Variants in ZRANB1 observed in about 807,000 individuals in gnomAD.
ZRANB1 encodes the protein zinc finger RANBP2-type containing 1, also known as ubiquitin thioesterase ZRANB1.
Under a neutral mutation model 80.5 loss-of-function variants are expected in ZRANB1, and 16 were observed. That is an observed-to-expected ratio of 0.20 (90% confidence interval 0.13 to 0.30). The LOEUF (loss-of-function observed/expected upper bound fraction) is 0.30, where lower values mean the gene tolerates loss of function less well. Among genes scored for constraint, ZRANB1 ranks in the 10% least tolerant of loss-of-function variants. The pLI, the probability that ZRANB1 is intolerant of heterozygous loss-of-function variation, is 1.00. For missense variants in ZRANB1, 576 were observed against 862.6 expected (o/e 0.67, Z 4.16); for synonymous variants, 291 against 293.1 (o/e 0.99, Z 0.07).
At chr10:124,932,427 C>T in the ZRANB1 span, among the ~76,000 whole-genome samples, 1 of 151,794 alleles carries the variant, frequency 6.6e-6, no homozygotes, top group Non-Finnish European at 1.5e-5. Context: ...GTAGCTGGAA[C>T]TACAGGTACC....
chr10:124,947,282 T>G (rs1445696116), intron 1 of ZRANB1, among the ~76,000 whole-genome samples: 2 of 152,180 alleles, frequency 1.3e-5, no homozygotes, highest in African/African-American at 4.8e-5. Context: ...TGTCTGCAGT[T>G]GGTACTAGAT....
chr10:124,926,424 C>CT, the ZRANB1 span, among the ~76,000 whole-genome samples: 3 of 152,086 alleles, frequency 2.0e-5, no homozygotes, highest in Non-Finnish European at 2.9e-5. Flanking sequence ...ACCTTATAAG[C>CT]TTTTTTTGCC....
intron 5 of ZRANB1, among the ~76,000 whole-genome samples, chr10:124,978,040 C>A (rs1209023844): frequency 3.3e-5 from 5 of 152,088 alleles, no homozygotes; most frequent in Admixed American, 1.3e-4. Flanking sequence ...ACAGTGATCA[C>A]ACAGACATCC....
chr10:124,978,040 CACAG>C (rs1311638989), intron 5 of ZRANB1, among the ~76,000 whole-genome samples: 2 of 152,088 alleles, frequency 1.3e-5, no homozygotes, highest in Non-Finnish European at 2.9e-5. Context: ...ACAGTGATCA[CACAG>C]ACATCCTTAC....
intron 2 of ZRANB1, among the ~76,000 whole-genome samples, chr10:124,969,950 G>C (rs1951808074): frequency 6.6e-6 from 1 of 152,124 alleles, no homozygotes; most frequent in South Asian, 2.1e-4. Flanking sequence ...GTTTCTTTTA[G>C]AATGTTTGTG....
chr10:124,980,064 AAGAC>A (rs1271339140), intron 5 of ZRANB1, among the ~76,000 whole-genome samples: 41 of 152,362 alleles, frequency 2.7e-4, no homozygotes, highest in Admixed American at 1.0e-3. Flanking sequence ...TTTTGTAAAA[AAGAC>A]AGCTGGGATT....
At chr10:124,917,939 C>T in the ZRANB1 span, among the ~76,000 whole-genome samples, 4 of 152,216 alleles carry the variant, frequency 2.6e-5, no homozygotes, top group East Asian at 5.8e-4. Flanking sequence ...TGGCATTAAG[C>T]GCAAGGGACA....
In ZRANB1 at chr10:124,985,580, C is replaced by CT. The variant is rs1409638638; in HGVS notation, c.*589dup. 6.6e-6 allele frequency: 1 copy of CT among 152,614 alleles called. No individual in the cohort carries two copies. The highest frequency in any genetic ancestry group is 1.5e-5 in the Non-Finnish European group (1 of 68,044). 9.5% of individuals were successfully genotyped at this position (152,614 alleles called of 1,614,324 possible). The stretch of plus-strand genomic sequence containing the variant: ...TTTTAGGAACAAACTGCAAGAAAAG[C>CT]TAAGAATGTTTTAGAGTGAACTAAA... On this transcript the variant is annotated 3_prime_UTR_variant, in exon 9 of 9. Transcript: ENST00000359653.
the ZRANB1 span, among the ~76,000 whole-genome samples, chr10:124,924,686 CA>C: frequency 6.6e-6 from 1 of 152,100 alleles, no homozygotes; most frequent in South Asian, 2.1e-4. Context: ...ATTGTATAAA[CA>C]GCATTTTGTT....
intron 2 of ZRANB1, among the ~76,000 whole-genome samples, chr10:124,967,246 G>A (rs936524862): frequency 7.9e-5 from 12 of 152,118 alleles, no homozygotes; most frequent in East Asian, 5.8e-4. Context: ...GTGTCTTGTC[G>A]TCTTTCTTAT....
Position 124,983,702 on chromosome 10 carries a change from C to T in ZRANB1, c.1908+14C>T. 1 of 1,553,094 alleles carries T rather than the reference C, an allele frequency of 6.4e-7. No homozygotes were observed. The highest frequency in any genetic ancestry group is 8.7e-7 in the Non-Finnish European group (1 of 1,144,738). ...TCTGCTCAGGAGGTAAGCAGTTTCT[C>T]CTATGAACTATTTCTAGTAGTGACC... On this transcript the variant is annotated intron_variant, in intron 8 of 8. Coordinates refer to ENST00000359653, the MANE Select transcript of ZRANB1 (RefSeq NM_017580.3). This position sits in a 1 kb window ranked among gnomAD's most constrained non-coding sequence, Gnocchi z 6.2.
upstream of ZRANB1, among the ~76,000 whole-genome samples, chr10:124,941,675 A>G (rs1951537610): frequency 6.6e-6 from 1 of 152,162 alleles, no homozygotes; most frequent in Non-Finnish European, 1.5e-5. Flanking sequence ...AGTATATTTT[A>G]AATATTCAAA....
In ZRANB1 at chr10:124,967,097, G is replaced by A. The variant is rs77254768; in HGVS notation, c.1002+316G>A. Among the ~76,000 whole-genome samples, 299 of 152,306 alleles carry A rather than the reference G, an allele frequency of 2.0e-3. 3 individuals carry two copies. Among genetic ancestry groups the A allele is most frequent in the Non-Finnish European group, 2.6e-3 (180 of 68,034 alleles). ...TGTGTGCCATGCACTAGGCTGAGAA[G>A]GGATACAATTGTAAAGATACTGGCT... On this transcript the variant is annotated intron_variant, in intron 2 of 8. Coordinates refer to ENST00000359653, the MANE Select transcript of ZRANB1 (RefSeq NM_017580.3).
intron 5 of ZRANB1, among the ~76,000 whole-genome samples, chr10:124,979,622 G>T (rs1951914921): frequency 6.6e-6 from 1 of 152,140 alleles, no homozygotes; most frequent in African/African-American, 2.4e-5. Context: ...TTACTCCTGT[G>T]TTTTCATAGA....
At chr10:124,943,529 G>GT (rs58240211) in intron 1 of ZRANB1, among the ~76,000 whole-genome samples, 3 of 6,898 alleles carry the variant, frequency 4.3e-4, no homozygotes, top group African/African-American at 7.2e-4. Context: ...AAAAATGTGA[G>GT]TGTGTGTGTG....
At chr10:124,949,449 G>GTATATATATATGTTTACACACATATGTA (rs1951614669) in intron 1 of ZRANB1, among the ~76,000 whole-genome samples, 9 of 147,278 alleles carry the variant, frequency 6.1e-5, no homozygotes, top group South Asian at 2.1e-4. Context: ...ACACACATAT[G>GTATATATATATGTTTACACACATATGTA]TATATATATA....
At position 124,983,331 on chromosome 10, in the gene ZRANB1, C is replaced by T; in HGVS notation, c.1678+27C>T. 1.2e-6 allele frequency: 2 copies of T among 1,611,654 alleles called. No homozygotes were observed. The highest frequency in any genetic ancestry group is 8.5e-7 in the Non-Finnish European group (1 of 1,178,698). Reference sequence around the variant, plus strand: ...TAAGCCATTATTCAGGAACGTTTTACAAGTTTCTTTGAACGGAATGGCTCA... The same window carrying T: ...TAAGCCATTATTCAGGAACGTTTTATAAGTTTCTTTGAACGGAATGGCTCA... On this transcript the variant is annotated intron_variant, in intron 7 of 8. Transcript: ENST00000359653. This position sits in a 1 kb window ranked among gnomAD's most constrained non-coding sequence, Gnocchi z 6.2.
At chr10:124,982,756 G>A (rs1951949955) in intron 6 of ZRANB1, among the ~76,000 whole-genome samples, 1 of 152,162 alleles carries the variant, frequency 6.6e-6, no homozygotes, top group Admixed American at 6.6e-5. Flanking sequence ...CGAGTTAGTT[G>A]ATACTGCCAT....
intron 5 of ZRANB1, among the ~76,000 whole-genome samples, chr10:124,976,258 C>G (rs1040399667): frequency 1.3e-5 from 2 of 152,268 alleles, no homozygotes; most frequent in South Asian, 2.1e-4. Flanking sequence ...CAGTGCTCTG[C>G]CGGTCTGGCC....
Sources: gnomAD v4.1 joint callset for allele counts (sites outside exome capture counted in the v4.1 genomes callset) on GRCh38, gnomAD v4.1.1 for gene constraint, Gnocchi (gnomAD v3.1) non-coding constraint, MANE v1.5 for transcripts, NCBI Gene and HGNC (gene_info 2026-07-23, HGNC 2026-07-21) for gene names.